The following GUCY1A1 variants were observed in gnomAD, a reference collection of about 807,000 sequenced individuals.
GUCY1A1 encodes guanylate cyclase 1 soluble subunit alpha 1.
Under a neutral mutation model 64.5 loss-of-function variants are expected in GUCY1A1, and 48 were observed. The ratio of observed to expected loss-of-function variants is 0.74; its 90% CI spans 0.59 to 0.95. GUCY1A1 has a LOEUF of 0.95. GUCY1A1 is among the 40% of genes least tolerant of loss of function. The pLI, the probability that GUCY1A1 is intolerant of heterozygous loss-of-function variation, is 0.00. For synonymous variants in GUCY1A1, 308 were observed against 303.4 expected, an observed-to-expected ratio of 1.02 and a Z score of -0.16; for missense variants, 804 against 825.3, an observed-to-expected ratio of 0.97 and a Z score of 0.32.
chr4:155,716,335 T>C (rs1459466956), intron 7 of GUCY1A1, among the ~76,000 whole-genome samples: 1 of 152,180 alleles, frequency 6.6e-6, no homozygotes, highest in Non-Finnish European at 1.5e-5. Context: ...TAGGGTCTTA[T>C]AGTTACAATA....
rs889955603 is a variant in GUCY1A1, at chr4:155,734,286, GC to G, written c.*4056del. Among the ~76,000 whole-genome samples the G allele has an allele frequency of 1.3e-5, 2 of 151,894 alleles. No individual in the cohort carries two copies. Among genetic ancestry groups the G allele is most frequent in the African/African-American group, 4.8e-5 (2 of 41,404 alleles). ...AAACTGCCCAGATGGAGCTTTACAT[GC>G]AAAGCTCCAGTGAAGTCTAGTGCTG... On this transcript the variant is annotated 3_prime_UTR_variant, in exon 10 of 10. Transcript: ENST00000506455.
intron 2 of GUCY1A1, among the ~76,000 whole-genome samples, chr4:155,669,329 T>C (rs957574959): frequency 2.6e-5 from 4 of 152,136 alleles, no homozygotes; most frequent in Admixed American, 2.6e-4. Context: ...GTCTTTGAAA[T>C]CCAATCAAAA....
At chr4:155,725,757 C>A (rs2126981051) in intron 9 of GUCY1A1, among the ~76,000 whole-genome samples, 1 of 151,980 alleles carries the variant, frequency 6.6e-6, no homozygotes, top group Non-Finnish European at 1.5e-5. Flanking sequence ...AGCAGAGGAC[C>A]ACAACATGTT....
chr4:155,671,199 T>C (rs529417848), intron 2 of GUCY1A1, among the ~76,000 whole-genome samples: 1 of 152,302 alleles, frequency 6.6e-6, no homozygotes, highest in Admixed American at 6.5e-5. Flanking sequence ...CCTTGTGTGC[T>C]CTTCCGTCAT....
intron 8 of GUCY1A1, among the ~76,000 whole-genome samples, chr4:155,718,615 C>T (rs938663282): frequency 1.3e-5 from 2 of 152,162 alleles, no homozygotes; most frequent in Non-Finnish European, 2.9e-5. Context: ...TGCTGCTTCA[C>T]TTACATGTCA....
At chr4:155,704,246 G>A (rs1235638077) in intron 4 of GUCY1A1, among the ~76,000 whole-genome samples, 4 of 152,198 alleles carry the variant, frequency 2.6e-5, no homozygotes, top group African/African-American at 9.7e-5. Flanking sequence ...CAGAGCTGGG[G>A]TTCGAGCCTG....
At chr4:155,686,954 T>C (rs1729076058) in intron 2 of GUCY1A1, among the ~76,000 whole-genome samples, 2 of 152,210 alleles carry the variant, frequency 1.3e-5, no homozygotes, top group South Asian at 4.1e-4. Context: ...AACTGTTGAC[T>C]TAGATATAAC....
intron 9 of GUCY1A1, among the ~76,000 whole-genome samples, chr4:155,728,639 A>G (rs943814615): frequency 1.3e-5 from 2 of 151,910 alleles, no homozygotes; most frequent in Admixed American, 6.6e-5. Flanking sequence ...TTACCAATCT[A>G]TGCTCCACCA....
At position 155,666,931 on chromosome 4, in the gene GUCY1A1, G is replaced by C. The variant is rs1733376555; in HGVS notation, c.-221G>C. On this transcript the variant is annotated 5_prime_UTR_variant, in exon 1 of 10. Coordinates refer to ENST00000506455, the MANE Select transcript of GUCY1A1 (RefSeq NM_001130682.3). Reference sequence around the variant, plus strand: ...TGTGGGGGAGGGAGCGCCTGGAGGAGCTTAGAGACCCCAGCCGGGCGTGAT... The same window carrying C: ...TGTGGGGGAGGGAGCGCCTGGAGGACCTTAGAGACCCCAGCCGGGCGTGAT... 1 of 152,358 alleles carries C rather than the reference G, an allele frequency of 6.6e-6. No homozygotes were observed. The highest frequency in any genetic ancestry group is 2.4e-5 in the African/African-American group (1 of 41,434). The allele number at this position is 152,358 out of a possible 1,614,324, so 9.4% of individuals were successfully genotyped here. A position where few individuals can be genotyped will look rare whatever the true frequency, so the allele number is the denominator to read the frequency against.
At chr4:155,673,622 ATG>A (rs1339078488) in intron 2 of GUCY1A1, among the ~76,000 whole-genome samples, 1 of 151,314 alleles carries the variant, frequency 6.6e-6, no homozygotes, top group Non-Finnish European at 1.5e-5. Flanking sequence ...CAGGGATCAG[ATG>A]TGTGTGTGGG....
intron 4 of GUCY1A1, among the ~76,000 whole-genome samples, chr4:155,706,280 A>G (rs894636866): frequency 6.6e-6 from 1 of 152,118 alleles, no homozygotes; most frequent in Non-Finnish European, 1.5e-5. Context: ...CTGCCTGCTG[A>G]TATGTTAAGT....
chr4:155,725,739 T>C (rs1734571847), intron 9 of GUCY1A1, among the ~76,000 whole-genome samples: 1 of 152,058 alleles, frequency 6.6e-6, no homozygotes, highest in Non-Finnish European at 1.5e-5. Flanking sequence ...CAGGATCTCA[T>C]GTATTTCAGC....
chr4:155,712,942 A>T (rs1732765258), intron 6 of GUCY1A1, among the ~76,000 whole-genome samples, 156 bp from the exon 7 acceptor site: 1 of 152,204 alleles, frequency 6.6e-6, no homozygotes, highest in African/African-American at 2.4e-5. Flanking sequence ...CGCATTTTAG[A>T]ACTCATAGAA....
chr4:155,708,706 T>A (rs933528515), intron 5 of GUCY1A1, among the ~76,000 whole-genome samples: 2 of 152,194 alleles, frequency 1.3e-5, no homozygotes, highest in African/African-American at 4.8e-5. Flanking sequence ...AAAAAATTGA[T>A]ATGTGACTTT....
intron 7 of GUCY1A1, among the ~76,000 whole-genome samples, chr4:155,716,711 C>T (rs1245295445): frequency 6.6e-6 from 1 of 152,100 alleles, no homozygotes; most frequent in Admixed American, 6.6e-5. Context: ...AATTTTACTG[C>T]ATTGATGTGA....
chr4:155,679,130 G>A (rs1328552395), intron 2 of GUCY1A1, among the ~76,000 whole-genome samples: 1 of 150,772 alleles, frequency 6.6e-6, no homozygotes, highest in African/African-American at 2.4e-5. Context: ...AAGAGCCAAA[G>A]TATTTTTTTT....
intron 2 of GUCY1A1, among the ~76,000 whole-genome samples, chr4:155,671,712 C>T (rs1023400173): frequency 2.6e-5 from 4 of 152,134 alleles, no homozygotes; most frequent in South Asian, 4.1e-4. Flanking sequence ...ATTCAGCTAT[C>T]GAATTTGTCT....
Position 155,730,918 on chromosome 4 carries a change from G to A in GUCY1A1, c.*687G>A, listed in dbSNP as rs1319958483. On this transcript the variant is annotated 3_prime_UTR_variant, in exon 10 of 10. Transcript: ENST00000506455. Reference sequence around the variant, plus strand: ...TGTTATAATAATAAATATTTCTTTTGTTTGACTTTTTTAAAATTCTACAAT... The same window carrying A: ...TGTTATAATAATAAATATTTCTTTTATTTGACTTTTTTAAAATTCTACAAT... 1 of 153,054 alleles carries A rather than the reference G, an allele frequency of 6.5e-6. No homozygotes were observed. The highest frequency in any genetic ancestry group is 2.4e-5 in the African/African-American group (1 of 41,350). 9.5% of individuals were successfully genotyped at this position (153,054 alleles called of 1,614,324 possible).
At chr4:155,706,000 C>A (rs1001962687) in intron 4 of GUCY1A1, among the ~76,000 whole-genome samples, 3 of 152,178 alleles carry the variant, frequency 2.0e-5, no homozygotes, top group African/African-American at 7.2e-5. Context: ...CCTTGGCAGC[C>A]AGTTTACTCA....
Sources: allele counts gnomAD v4.1 joint callset (sites outside exome capture counted in the v4.1 genomes callset), GRCh38; gene constraint gnomAD v4.1.1; transcripts MANE v1.5; gene names NCBI Gene and HGNC (gene_info 2026-07-23, HGNC 2026-07-21).